Variants in RBFOX3 observed in about 807,000 individuals in gnomAD.
The protein encoded by RBFOX3 is RNA binding protein fox-1 homolog 3.
Under a neutral mutation model 48.7 loss-of-function variants are expected in RBFOX3, and 17 were observed. That is an observed-to-expected ratio of 0.35 (90% CI 0.24 to 0.52). The LOEUF (loss-of-function observed/expected upper bound fraction) is 0.52, where lower values mean the gene tolerates loss of function less well. RBFOX3 is among the 20% of genes least tolerant of loss of function. The pLI is 0.94. For synonymous variants in RBFOX3, 212 were observed against 209.5 expected, an observed-to-expected ratio of 1.01 and a Z score of -0.10; for missense variants, 382 against 497.5, an observed-to-expected ratio of 0.77 and a Z score of 2.21.
rs2062703472 is a variant in RBFOX3 at position 79,243,503 on chromosome 17, T to C, written c.-73-7698A>G. On this transcript the variant is annotated intron_variant, in intron 3 of 14. Transcript: ENST00000693108. This position sits in a 1 kb window ranked among gnomAD's most constrained non-coding sequence, Gnocchi z 7.9. ...TTTGCCCTGGGGTGTCATTTGGGACTGTGGAGTCGACCACAGTCAATTGCT... is the reference window on the plus strand; with the variant it reads ...TTTGCCCTGGGGTGTCATTTGGGACCGTGGAGTCGACCACAGTCAATTGCT... 6.6e-6 allele frequency among the ~76,000 whole-genome samples: 1 copy of C among 152,144 alleles called. No individual in the cohort carries two copies. The highest frequency in any genetic ancestry group is 2.4e-5 in the African/African-American group (1 of 41,450).
At chr17:79,455,713 G>A (rs142746398) in intron 2 of RBFOX3, among the ~76,000 whole-genome samples, 3 of 152,026 alleles carry the variant, frequency 2.0e-5, no homozygotes, top group Non-Finnish European at 2.9e-5. Flanking sequence ...CCACACACTC[G>A]CTCACAGCAT....
At chr17:79,149,829 G>A (rs1022067755) in intron 4 of RBFOX3, among the ~76,000 whole-genome samples, 2 of 151,238 alleles carry the variant, frequency 1.3e-5, no homozygotes, top group African/African-American at 4.9e-5. Context: ...ATCTCTGAGT[G>A]CCAGGGTGAG....
chr17:79,309,318 C>T (rs1043501703), intron 2 of RBFOX3, among the ~76,000 whole-genome samples: 2 of 151,760 alleles, frequency 1.3e-5, no homozygotes, highest in Admixed American at 6.6e-5. Context: ...GACTCTTCCT[C>T]CCTCCACCTC....
intron 3 of RBFOX3, among the ~76,000 whole-genome samples, chr17:79,301,721 T>C (rs971566283): frequency 4.6e-5 from 7 of 152,068 alleles, no homozygotes; most frequent in Admixed American, 4.6e-4. Flanking sequence ...AAGGGATGGA[T>C]GGAGAAGCAG....
intron 3 of RBFOX3, among the ~76,000 whole-genome samples, chr17:79,251,764 T>C (rs1334833622): frequency 6.6e-6 from 1 of 152,180 alleles, no homozygotes; most frequent in Non-Finnish European, 1.5e-5. Flanking sequence ...GCCCACAGGC[T>C]CAGGGAAGGT....
At chr17:79,229,543 AG>A (rs1193500421) in intron 4 of RBFOX3, among the ~76,000 whole-genome samples, 1 of 132,552 alleles carries the variant, frequency 7.5e-6, no homozygotes, top group Non-Finnish European at 1.6e-5. Flanking sequence ...TGGGTGACAG[AG>A]CAAGACTCCA....
intron 3 of RBFOX3, among the ~76,000 whole-genome samples, chr17:79,262,008 A>C (rs1241587545): frequency 6.6e-6 from 1 of 152,140 alleles, no homozygotes; most frequent in Admixed American, 6.5e-5. Flanking sequence ...ACACTCCAAA[A>C]CTTTGCTTTG....
chr17:79,293,774 A>G (rs1056655944), intron 3 of RBFOX3, among the ~76,000 whole-genome samples: 13 of 152,120 alleles, frequency 8.5e-5, no homozygotes, highest in Admixed American at 7.9e-4. Context: ...GCTTTAGATA[A>G]CCTGCTGCTT....
intron 1 of RBFOX3, among the ~76,000 whole-genome samples, chr17:79,579,171 C>T (rs933880036): frequency 7.0e-4 from 107 of 152,346 alleles, no homozygotes; most frequent in Middle Eastern, 3.4e-3. Flanking sequence ...GGGGGAACCT[C>T]GTCTGGTCCT....
chr17:79,174,091 A>G (rs1407117156), intron 4 of RBFOX3, among the ~76,000 whole-genome samples: 1 of 152,088 alleles, frequency 6.6e-6, no homozygotes, highest in African/African-American at 2.4e-5. Context: ...TCTCAGTCCC[A>G]AATGGGGAGA....
intron 3 of RBFOX3, among the ~76,000 whole-genome samples, chr17:79,261,442 T>C (rs548499458): frequency 6.6e-6 from 1 of 152,328 alleles, no homozygotes; most frequent in African/African-American, 2.4e-5. Context: ...CTGAGGGGCA[T>C]GGAGCTCCTT....
At chr17:79,124,199 A>G (rs1283111253) in intron 4 of RBFOX3, among the ~76,000 whole-genome samples, 1 of 152,202 alleles carries the variant, frequency 6.6e-6, no homozygotes, top group Non-Finnish European at 1.5e-5. Context: ...AGGAATCGGC[A>G]AAGGCTGCAC....
At chr17:79,466,156 A>T (rs2076287615) in intron 2 of RBFOX3, among the ~76,000 whole-genome samples, 3 of 152,228 alleles carry the variant, frequency 2.0e-5, no homozygotes, top group South Asian at 2.1e-4. Context: ...GGGGCTGGGG[A>T]CAAGATCTCT....
chr17:79,489,240 T>TAAAAAA (rs71161671), intron 1 of RBFOX3, among the ~76,000 whole-genome samples: 1 of 126,508 alleles, frequency 7.9e-6, no homozygotes, highest in Non-Finnish European at 1.6e-5. Context: ...GCCAGAAAGT[T>TAAAAAA]AAAAAAAAAA....
At chr17:79,197,577 T>C (rs2612804) in intron 4 of RBFOX3, among the ~76,000 whole-genome samples, 83,305 of 150,958 alleles carry the variant, frequency 0.55, 25,865 homozygotes, top group Middle Eastern at 0.69. Context: ...GTATTTTTAG[T>C]AGAGACGGGG....
chr17:79,373,703 C>T lies in RBFOX3; in HGVS notation c.-174-65879G>A, dbSNP rs7226232. The stretch of plus-strand genomic sequence containing the variant: ...CGGCTGCTTTCTCCTGGACAGAGCT[C>T]CCCCTCAACCCCCGAGCAGGAGCCG... On this transcript the variant is annotated intron_variant, in intron 2 of 14. Coordinates refer to ENST00000693108, the MANE Select transcript of RBFOX3 (RefSeq NM_001350451.2). Among the ~76,000 whole-genome samples, 793 of 152,078 alleles carry T rather than the reference C, an allele frequency of 5.2e-3. 8 individuals are homozygous for T. The highest frequency in any genetic ancestry group is 0.018 in the African/African-American group (751 of 41,476).
At chr17:79,435,752 C>T (rs1555730723) in intron 2 of RBFOX3, among the ~76,000 whole-genome samples, 1 of 152,186 alleles carries the variant, frequency 6.6e-6, no homozygotes, top group Non-Finnish European at 1.5e-5. Flanking sequence ...CAGGGTGTCT[C>T]CATGCAGGTG....
intron 2 of RBFOX3, among the ~76,000 whole-genome samples, chr17:79,412,590 GTA>G (rs1243492612): frequency 6.6e-6 from 1 of 150,788 alleles, no homozygotes; most frequent in Non-Finnish European, 1.5e-5. Flanking sequence ...ATGCACGTGT[GTA>G]TATATGTGTG....
chr17:79,533,364 G>A (rs191181953), intron 1 of RBFOX3, among the ~76,000 whole-genome samples: 2 of 152,358 alleles, frequency 1.3e-5, no homozygotes, highest in East Asian at 3.9e-4. Context: ...GCAGAACAGA[G>A]GAATAGTGAC....
Sources: allele counts gnomAD v4.1 joint callset (sites outside exome capture counted in the v4.1 genomes callset), GRCh38; gene constraint gnomAD v4.1.1; non-coding constraint Gnocchi (gnomAD v3.1); transcripts MANE v1.5; gene names NCBI Gene and HGNC (gene_info 2026-07-23, HGNC 2026-07-21).